ZNF398: variants seen among roughly 807,000 people sequenced by gnomAD.
The protein encoded by ZNF398 is zinc finger DNA binding protein ZER6.
In ZNF398, 18 loss-of-function variants were observed where a neutral mutation model predicts 41.9. That is an observed-to-expected ratio of 0.43 (90% CI 0.30 to 0.64). The LOEUF (loss-of-function observed/expected upper bound fraction) is 0.64, where lower values mean the gene tolerates loss of function less well. Among genes scored for constraint, ZNF398 ranks in the 30% least tolerant of loss-of-function variants. The pLI is 0.14. For synonymous variants in ZNF398, 260 were observed against 308.8 expected (o/e 0.84, Z 1.66); for missense variants, 669 against 822.8 (o/e 0.81, Z 2.29).
At chr7:149,140,827 C>A (rs1826807551) in intron 2 of ZNF398, among the ~76,000 whole-genome samples, 1 of 152,042 alleles carries the variant, frequency 6.6e-6, no homozygotes, top group African/African-American at 2.4e-5. Flanking sequence ...ATCCCTTGAG[C>A]CCAAGAGTTG....
In ZNF398 at chr7:149,147,574, C is replaced by T; in HGVS notation, c.-169C>T. 1.5e-6 allele frequency: 1 copy of T among 689,026 alleles called. No homozygotes were observed. Among genetic ancestry groups the T allele is most frequent in the Non-Finnish European group, 2.0e-6 (1 of 507,810 alleles). The allele number at this position is 689,026 out of a possible 1,614,324, so 42.7% of individuals were successfully genotyped here. Reference sequence around the variant, plus strand: ...ACCGCGCCTCCGCCGCGTTCCTGCGCGTCCCGAGCCCCGACGGCCGCGTGA... The same window carrying T: ...ACCGCGCCTCCGCCGCGTTCCTGCGTGTCCCGAGCCCCGACGGCCGCGTGA... On this transcript the variant is annotated 5_prime_UTR_variant, in exon 1 of 6. Coordinates refer to ENST00000475153, the MANE Select transcript of ZNF398 (RefSeq NM_170686.3). The surrounding 1 kb of genome is among the most constrained non-coding windows in gnomAD (Gnocchi z 5.6).
chr7:149,178,778 G>C lies in ZNF398; in HGVS notation c.906G>C (p.Gln302His). The C allele has an allele frequency of 6.2e-7, 1 of 1,614,204 alleles. No individual in the cohort carries two copies. Among genetic ancestry groups the C allele is most frequent in the Non-Finnish European group, 8.5e-7 (1 of 1,180,034 alleles). ...AFSDVAFKSQ[Q>H]STSMTPFGRP... is the part of the protein sequence containing the mutation. ...CAGATGTGGCTTTCAAAAGCCAGCA[G>C]TCTACATCCATGACACCTTTTGGAC... The change falls in exon 6 of 6, where the codon CAG becomes CAC. Residue 302 changes from glutamine to histidine, a missense_variant. Coordinates refer to ENST00000475153, the MANE Select transcript of ZNF398 (RefSeq NM_170686.3).
intron 2 of ZNF398, among the ~76,000 whole-genome samples, chr7:149,165,513 T>C (rs1438043346): frequency 5.3e-5 from 8 of 151,940 alleles, no homozygotes; most frequent in East Asian, 1.9e-4. Context: ...AAACAGAAAA[T>C]TGGGTTTTAA....
chr7:149,177,259 A>G (rs1249823640), intron 5 of ZNF398, among the ~76,000 whole-genome samples: 1 of 152,020 alleles, frequency 6.6e-6, no homozygotes, highest in African/African-American at 2.4e-5. Context: ...AGTGTCAAGG[A>G]TGAGTGGGGT....
chr7:149,155,707 A>ATATATT (rs1794954712), intron 2 of ZNF398, among the ~76,000 whole-genome samples: 19 of 73,534 alleles, frequency 2.6e-4, no homozygotes, highest in Non-Finnish European at 3.6e-4. Flanking sequence ...ATATATATAT[A>ATATATT]TTTTTTTTTT....
At chr7:149,178,185 G>A (rs1294249290) in intron 5 of ZNF398, among the ~76,000 whole-genome samples, 3 of 151,586 alleles carry the variant, frequency 2.0e-5, no homozygotes, top group Non-Finnish European at 2.9e-5. Flanking sequence ...CCAGCTACTC[G>A]GGAGGCTGAG....
At position 149,166,298 on chromosome 7, in the gene ZNF398, G is replaced by A; in HGVS notation, c.547+14G>A. 2 of 1,602,142 alleles carry A rather than the reference G, an allele frequency of 1.2e-6. No homozygotes were observed. Among genetic ancestry groups the A allele is most frequent in the Non-Finnish European group, 1.7e-6 (2 of 1,175,472 alleles). On this transcript the variant is annotated intron_variant, in intron 3 of 5. Transcript: ENST00000475153. ...TCATCTCCATGGGTGAGGCTGAGTT[G>A]ACACCTTTTGAATGAAGTGACAGCA...
chr7:149,179,155 C>G lies in ZNF398; in HGVS notation c.1283C>G (p.Pro428Arg). 6.2e-7 allele frequency: 1 copy of G among 1,613,964 alleles called. No homozygotes were observed. Among genetic ancestry groups the G allele is most frequent in the Non-Finnish European group, 8.5e-7 (1 of 1,180,016 alleles). Residue 428 changes from proline (P) to arginine (R), a missense_variant, in exon 6 of 6, where the codon CCC becomes CGC. This residue lies in a region of ZNF398 where 290 missense variants were observed against 292.9 expected (regional missense o/e 0.99). Coordinates refer to ENST00000475153, the MANE Select transcript of ZNF398 (RefSeq NM_170686.3). This position sits in a 1 kb window ranked among gnomAD's most constrained non-coding sequence, Gnocchi z 6.1. ...RVHNSTERPF[P>R]CPDCPKRFAD... is the part of the protein sequence containing the mutation. ...CATAACAGCACTGAGCGTCCTTTCC[C>G]CTGTCCTGATTGCCCCAAGCGCTTT...
At chr7:149,133,374 A>G (rs1220542116) in intron 2 of ZNF398, among the ~76,000 whole-genome samples, 1 of 151,842 alleles carries the variant, frequency 6.6e-6, no homozygotes, top group Non-Finnish European at 1.5e-5. Context: ...CCAGCCTCCC[A>G]AAGTGCTGGG....
chr7:149,133,940 G>A (rs79995708), intron 2 of ZNF398, among the ~76,000 whole-genome samples: 29,339 of 147,532 alleles, frequency 0.2, 3,644 homozygotes, highest in East Asian at 0.41. Context: ...TAGTAGAGAC[G>A]GAGTTTCTCC....
upstream of ZNF398, among the ~76,000 whole-genome samples, chr7:149,145,105 T>C (rs1325086967): frequency 6.6e-6 from 1 of 152,176 alleles, no homozygotes; most frequent in African/African-American, 2.4e-5. Context: ...CTTAGTCTGC[T>C]CAAGAGCAGT....
Position 149,133,682 on chromosome 7 carries a change from TATATATGTGTGTATATATATATAC to T in ZNF398, c.-490+4740_-490+4763del, listed in dbSNP as rs1826648135. 2.3e-3 allele frequency among the ~76,000 whole-genome samples: 96 copies of T among 41,188 alleles called. 3 individuals are homozygous for T. The highest frequency in any genetic ancestry group is 0.021 in the South Asian group (19 of 912). 27.0% of individuals were successfully genotyped at this position (41,188 alleles called of 152,430 possible). A position where few individuals can be genotyped will look rare whatever the true frequency, so the allele number is the denominator to read the frequency against. On this transcript the variant is annotated intron_variant, in intron 2 of 6. Transcript: ENST00000426851. ...ATATATATATATATATATATATACATATATATGTGTGTATATATATATACACACATATATATGTATATATATATT... is the reference window on the plus strand; with the variant it reads ...ATATATATATATATATATATATACATACACATATATATGTATATATATATT...
At chr7:149,173,114 T>C (rs1343374937) in intron 4 of ZNF398, among the ~76,000 whole-genome samples, 1 of 128,866 alleles carries the variant, frequency 7.8e-6, no homozygotes, top group Non-Finnish European at 1.7e-5. Context: ...TTTTTTTTTT[T>C]TTTTTTTTGA....
intron 2 of ZNF398, among the ~76,000 whole-genome samples, chr7:149,136,384 C>T (rs1188350688): frequency 6.6e-6 from 1 of 151,950 alleles, no homozygotes; most frequent in Admixed American, 6.6e-5. Context: ...CCTCACTTCC[C>T]AGACGGGTTG....
In ZNF398 at chr7:149,174,776, A is replaced by G. The variant is rs369924532; in HGVS notation, c.662-1692A>G. ...GGGAGGCAGAGATTGCAGTAAGCCA[A>G]GATTACGCCACTGTAGTCCAGCCTG... On this transcript the variant is annotated intron_variant, in intron 4 of 5. Coordinates refer to ENST00000475153, the MANE Select transcript of ZNF398 (RefSeq NM_170686.3). Among the ~76,000 whole-genome samples, 28 of 152,326 alleles carry G rather than the reference A, an allele frequency of 1.8e-4. 1 individual carries two copies. Among genetic ancestry groups the G allele is most frequent in the South Asian group, 1.0e-3 (5 of 4,830 alleles).
intron 3 of ZNF398, 102 bp downstream of exon 3, chr7:149,166,386 C>A: frequency 6.9e-7 from 1 of 1,446,998 alleles, no homozygotes; most frequent in Non-Finnish European, 9.5e-7. Flanking sequence ...TCTGTCTTCA[C>A]ACACTTCAAA....
chr7:149,173,491 T>C (rs1010901220), intron 4 of ZNF398, among the ~76,000 whole-genome samples: 3 of 152,070 alleles, frequency 2.0e-5, no homozygotes, highest in South Asian at 2.1e-4. Context: ...AAATTTCTTA[T>C]GCAATAAGAC....
At chr7:149,128,866 A>G (rs1826540969) in exon 2 of ZNF398, 1 of 151,010 alleles carries the variant, frequency 6.6e-6, no homozygotes, top group Admixed American at 6.6e-5. Flanking sequence ...GAGTGGTGTG[A>G]TCTTGGCTCA....
chr7:149,161,823 AG>A (rs371820856), intron 2 of ZNF398, among the ~76,000 whole-genome samples: 19,147 of 143,788 alleles, frequency 0.13, 1,592 homozygotes, highest in African/African-American at 0.26. Flanking sequence ...AAAAAAAAAA[AG>A]GGGAATTGTT....
Sources: allele counts gnomAD v4.1 joint callset (sites outside exome capture counted in the v4.1 genomes callset), GRCh38; gene constraint gnomAD v4.1.1; regional missense constraint gnomAD v4.1.1; non-coding constraint Gnocchi (gnomAD v3.1); transcripts MANE v1.5; gene names NCBI Gene and HGNC (gene_info 2026-07-23, HGNC 2026-07-21).